Variants in MED26 observed in about 807,000 individuals in gnomAD.
The protein encoded by MED26 is mediator complex subunit 26, also known as mediator of RNA polymerase II transcription subunit 26.
A neutral mutation model predicts 43.7 loss-of-function variants in MED26; 7 were observed. That is an observed-to-expected ratio of 0.16 (90% CI 0.09 to 0.30). The LOEUF (loss-of-function observed/expected upper bound fraction) is 0.30, where lower values mean the gene tolerates loss of function less well. Ranked by LOEUF, MED26 falls within the 10% of genes least tolerant of loss-of-function variation. The pLI is 1.00. For missense variants in MED26, 784 were observed against 840.6 expected (o/e 0.93, Z 0.83); for synonymous variants, 375 against 371.1 (o/e 1.01, Z -0.12).
In MED26 at chr19:16,586,390, T is replaced by C. The variant is rs1029298609; in HGVS notation, c.73-7981A>G. Among the ~76,000 whole-genome samples the C allele has an allele frequency of 1.3e-5, 2 of 152,320 alleles. No homozygotes were observed. Among genetic ancestry groups the C allele is most frequent in the Non-Finnish European group, 2.9e-5 (2 of 68,018 alleles). The stretch of plus-strand genomic sequence containing the variant: ...ATGGCTACCAAACACACAGGGCCCA[T>C]CTGGTGCTTTGAGTAGGTGGGGTGA... On this transcript the variant is annotated intron_variant, in intron 1 of 2. Transcript: ENST00000263390. This position sits in a 1 kb window ranked among gnomAD's most constrained non-coding sequence, Gnocchi z 5.1.
At chr19:16,615,319 C>T (rs2086219381) in intron 1 of MED26, among the ~76,000 whole-genome samples, 2 of 152,136 alleles carry the variant, frequency 1.3e-5, no homozygotes, top group African/African-American at 2.4e-5. Flanking sequence ...ATAAGAAGGG[C>T]TACCTGACCC....
At chr19:16,600,012 G>C (rs2086140972) in intron 1 of MED26, among the ~76,000 whole-genome samples, 1 of 152,176 alleles carries the variant, frequency 6.6e-6, no homozygotes, top group Non-Finnish European at 1.5e-5. Context: ...CTTGGTGCCT[G>C]AGATGGGGTG....
chr19:16,600,761 C>T (rs569854109), intron 1 of MED26, among the ~76,000 whole-genome samples: 10 of 152,300 alleles, frequency 6.6e-5, no homozygotes, highest in African/African-American at 2.4e-4. Flanking sequence ...GCTGGTTCTT[C>T]ACAGCCTCAG....
In MED26 at chr19:16,577,795, C is replaced by T; in HGVS notation, c.148-113G>A. 1.4e-6 allele frequency: 1 copy of T among 733,110 alleles called. No individual in the cohort carries two copies. Among genetic ancestry groups the T allele is most frequent in the Non-Finnish European group, 2.2e-6 (1 of 464,134 alleles). 45.4% of individuals were successfully genotyped at this position (733,110 alleles called of 1,614,324 possible). A position where few individuals can be genotyped will look rare whatever the true frequency, so the allele number is the denominator to read the frequency against. ...GTGAAATGACCCGGTTCCCACTGAG[C>T]CCTAAACTGCCAGCTTCCCTGACAC... On this transcript the variant is annotated intron_variant, in intron 2 of 2. Transcript: ENST00000263390. The surrounding 1 kb of genome is among the most constrained non-coding windows in gnomAD (Gnocchi z 8.1).
chr19:16,583,111 T>C (rs2086053698), intron 1 of MED26, among the ~76,000 whole-genome samples: 1 of 152,228 alleles, frequency 6.6e-6, no homozygotes, highest in Non-Finnish European at 1.5e-5. Flanking sequence ...CCTCAAAAGA[T>C]GGCTTTAAGG....
chr19:16,589,579 T>C (rs1177141667), intron 1 of MED26, among the ~76,000 whole-genome samples: 1 of 152,016 alleles, frequency 6.6e-6, no homozygotes, highest in Non-Finnish European at 1.5e-5. Context: ...GACTTCTAGA[T>C]GGTGAGAGCA....
intron 1 of MED26, among the ~76,000 whole-genome samples, chr19:16,606,312 AGGCTGAGGTG>A (rs1350192358): frequency 6.6e-6 from 1 of 152,174 alleles, no homozygotes; most frequent in Non-Finnish European, 1.5e-5. Flanking sequence ...GCACTTTGGG[AGGCTGAGGTG>A]GGCGGATCAC....
Position 16,628,188 on chromosome 19 carries a change from G to C in MED26, c.-245C>G, listed in dbSNP as rs1276425642. 2 of 351,300 alleles carry C rather than the reference G, an allele frequency of 5.7e-6. No homozygotes were observed. The highest frequency in any genetic ancestry group is 1.0e-5 in the Non-Finnish European group (2 of 197,640). 21.8% of individuals were successfully genotyped at this position (351,300 alleles called of 1,614,324 possible). A position where few individuals can be genotyped will look rare whatever the true frequency, so the allele number is the denominator to read the frequency against. ...CGCCGCCGCTCGCTGCCGCCGCCTC[G>C]AGAACCAAACTCCAGTGAGCTGCCC... On this transcript the variant is annotated 5_prime_UTR_variant, in exon 1 of 3. Transcript: ENST00000263390.
intron 1 of MED26, among the ~76,000 whole-genome samples, chr19:16,594,223 C>T (rs1466222922): frequency 6.6e-6 from 1 of 152,226 alleles, no homozygotes; most frequent in Non-Finnish European, 1.5e-5. Context: ...TGAGGGCACA[C>T]TCAAGGGCCA....
intron 1 of MED26, among the ~76,000 whole-genome samples, chr19:16,607,375 G>GAAA (rs898413432): frequency 1.8e-5 from 2 of 111,490 alleles, no homozygotes; most frequent in Non-Finnish European, 3.8e-5. Context: ...CTTTTGTGGG[G>GAAA]AAAAAAAAAA....
chr19:16,626,822 C>G (rs2086278547), intron 1 of MED26, among the ~76,000 whole-genome samples: 1 of 152,154 alleles, frequency 6.6e-6, no homozygotes, highest in Non-Finnish European at 1.5e-5. Flanking sequence ...CTGGATGCTA[C>G]TGCATCTTCC....
At chr19:16,604,216 G>C (rs113318768) in intron 1 of MED26, among the ~76,000 whole-genome samples, 3 of 152,292 alleles carry the variant, frequency 2.0e-5, no homozygotes, top group African/African-American at 7.2e-5. Context: ...GGTGTAGAGT[G>C]ATTGCCCTGT....
chr19:16,606,160 C>T (rs978476600), intron 1 of MED26, among the ~76,000 whole-genome samples: 4 of 152,204 alleles, frequency 2.6e-5, no homozygotes, highest in South Asian at 2.1e-4. Context: ...AGGAGACAGG[C>T]CCTGTGGCCA....
rs372161769 is a variant in MED26 at position 16,623,780 on chromosome 19, G to A, written c.72+4092C>T. 5.1e-4 allele frequency among the ~76,000 whole-genome samples: 77 copies of A among 152,278 alleles called. 1 individual carries two copies. The highest frequency in any genetic ancestry group is 1.8e-3 in the African/African-American group (74 of 41,558). ...TCTCCAACTTTCAAGGCAGCGTGGTGGTGTTCAGAGTTGAAAGGACTCTAA... is the reference window on the plus strand; with the variant it reads ...TCTCCAACTTTCAAGGCAGCGTGGTAGTGTTCAGAGTTGAAAGGACTCTAA... On this transcript the variant is annotated intron_variant, in intron 1 of 2. Transcript: ENST00000263390.
chr19:16,599,389 T>C (rs2086137942), intron 1 of MED26, among the ~76,000 whole-genome samples: 1 of 152,198 alleles, frequency 6.6e-6, no homozygotes, highest in Non-Finnish European at 1.5e-5. Context: ...CTGCAGACTC[T>C]GGCCATCCTA....
chr19:16,616,901 G>T (rs1443135508), intron 1 of MED26, among the ~76,000 whole-genome samples: 2 of 152,144 alleles, frequency 1.3e-5, no homozygotes, highest in Non-Finnish European at 2.9e-5. Context: ...CATTCCAAGT[G>T]CCCATGGTGA....
At chr19:16,616,243 T>C (rs180962098) in intron 1 of MED26, among the ~76,000 whole-genome samples, 1 of 144,992 alleles carries the variant, frequency 6.9e-6, no homozygotes, top group Non-Finnish European at 1.5e-5. Context: ...CTATGCAGCA[T>C]TTTTTACATC....
chr19:16,616,775 G>A (rs1011366755), intron 1 of MED26, among the ~76,000 whole-genome samples: 5 of 152,138 alleles, frequency 3.3e-5, no homozygotes, highest in African/African-American at 4.8e-5. Context: ...AAGCCAAAAC[G>A]CTTAGGGGGA....
chr19:16,593,400 C>T (rs1299625460), intron 1 of MED26, among the ~76,000 whole-genome samples: 1 of 152,228 alleles, frequency 6.6e-6, no homozygotes, highest in Non-Finnish European at 1.5e-5. Flanking sequence ...TTAGCCCTCA[C>T]TGCCTGCAAC....
Sources: allele counts gnomAD v4.1 joint callset (sites outside exome capture counted in the v4.1 genomes callset), GRCh38; gene constraint gnomAD v4.1.1; non-coding constraint Gnocchi (gnomAD v3.1); transcripts MANE v1.5; gene names NCBI Gene and HGNC (gene_info 2026-07-23, HGNC 2026-07-21).